COX10: variants seen among roughly 807,000 people sequenced by gnomAD.
COX10 encodes cytochrome c oxidase assembly factor heme A:farnesyltransferase COX10.
COX10 carries 27 observed loss-of-function variants against 37.3 expected under a neutral mutation model. The ratio of observed to expected loss-of-function variants is 0.72; its 90% CI spans 0.53 to 1.00. COX10 has a LOEUF of 1.00. Among genes scored for constraint, COX10 ranks in the 50% least tolerant of loss-of-function variants. The pLI, the probability that COX10 is intolerant of heterozygous loss-of-function variation, is 0.00. For synonymous variants in COX10, 222 were observed against 229.1 expected, an observed-to-expected ratio of 0.97 and a Z score of 0.28; for missense variants, 475 against 563.2, an observed-to-expected ratio of 0.84 and a Z score of 1.59.
Position 14,207,201 on chromosome 17 carries a change from C to G in COX10, c.1320C>G (p.Pro440=). 1.3e-6 allele frequency: 2 copies of G among 1,595,008 alleles called. No homozygotes were observed. The highest frequency in any genetic ancestry group is 1.7e-6 in the Non-Finnish European group (2 of 1,173,438). ...CGAGCGGAGGCGGGGACGCAGGGCC[C>G]CCTCCCAGCTGAGAGCACTGGGACG... ...KRPSGGGDAG[P]PPS The change falls in exon 7 of 7, where the codon CCC becomes CCG. Residue 440 remains proline (P), a synonymous_variant. Coordinates refer to ENST00000261643, the MANE Select transcript of COX10 (RefSeq NM_001303.4).
Position 14,069,517 on chromosome 17 carries a change from G to T in COX10, c.-89G>T, listed in dbSNP as rs188803165. On this transcript the variant is annotated 5_prime_UTR_variant, in exon 1 of 7. Coordinates refer to ENST00000261643, the MANE Select transcript of COX10 (RefSeq NM_001303.4). ...TGGCGGCCCGGAACTACTCCCACAG[G>T]GGGGCGGGGAAGGAAGATGGCGGCG... is the stretch of plus-strand genomic sequence containing the variant. 1.1e-4 allele frequency: 163 copies of T among 1,517,272 alleles called. No individual in the cohort carries two copies. The highest frequency in any genetic ancestry group is 5.9e-4 in the Admixed American group (34 of 57,816). 94.0% of individuals were successfully genotyped at this position (1,517,272 alleles called of 1,614,324 possible).
intron 5 of COX10, among the ~76,000 whole-genome samples, chr17:14,175,988 G>T (rs1302017479): frequency 6.6e-6 from 1 of 152,290 alleles, no homozygotes; most frequent in East Asian, 1.9e-4. Flanking sequence ...AGCCAGAAAT[G>T]AGTTGTACAA....
intron 1 of COX10, among the ~76,000 whole-genome samples, chr17:14,069,881 C>T (rs1211439474): frequency 6.6e-6 from 1 of 152,182 alleles, no homozygotes; most frequent in Non-Finnish European, 1.5e-5. Context: ...CATCCGGCTT[C>T]TGCGGAAGAG....
chr17:14,183,262 C>T (rs1049104387), intron 5 of COX10, among the ~76,000 whole-genome samples: 21 of 151,298 alleles, frequency 1.4e-4, no homozygotes, highest in African/African-American at 4.9e-4. Flanking sequence ...AACCATGAAC[C>T]GATTTGCATG....
intron 1 of COX10, among the ~76,000 whole-genome samples, chr17:14,070,888 G>A (rs1915005652): frequency 6.6e-6 from 1 of 152,200 alleles, no homozygotes; most frequent in Non-Finnish European, 1.5e-5. Context: ...GTCCTGTTTG[G>A]TTTGTAAAGT....
chr17:14,117,951 TG>T (rs1477873462), intron 4 of COX10, among the ~76,000 whole-genome samples: 1 of 152,022 alleles, frequency 6.6e-6, no homozygotes, highest in East Asian at 1.9e-4. Flanking sequence ...GGGGATGGAA[TG>T]GGAAGGTGGT....
chr17:14,138,359 C>T (rs1904440442), intron 4 of COX10, among the ~76,000 whole-genome samples: 2 of 152,132 alleles, frequency 1.3e-5, no homozygotes, highest in African/African-American at 4.8e-5. Flanking sequence ...CATTGTCAGA[C>T]ATTGAAACTG....
chr17:14,140,706 G>A (rs1425107704), intron 4 of COX10, among the ~76,000 whole-genome samples: 3 of 151,600 alleles, frequency 2.0e-5, no homozygotes, highest in African/African-American at 7.3e-5. Context: ...TAACCTCATC[G>A]ACCTGTTAAA....
At chr17:14,164,523 AT>A (rs1249883200) in intron 5 of COX10, among the ~76,000 whole-genome samples, 3 of 152,114 alleles carry the variant, frequency 2.0e-5, no homozygotes, top group African/African-American at 7.2e-5. Context: ...TTTTTAAATT[AT>A]TTTTTCCAGA....
chr17:14,184,390 T>C (rs1905961490), intron 5 of COX10, among the ~76,000 whole-genome samples: 1 of 152,318 alleles, frequency 6.6e-6, no homozygotes, highest in Admixed American at 6.5e-5. Flanking sequence ...AACCAGAATA[T>C]AGCACTAATA....
At chr17:14,152,452 G>C (rs1430509062) in intron 4 of COX10, among the ~76,000 whole-genome samples, 1 of 152,134 alleles carries the variant, frequency 6.6e-6, no homozygotes, top group East Asian at 1.9e-4. Flanking sequence ...TCTCCCACCA[G>C]GTCCCTCCCA....
intron 4 of COX10, among the ~76,000 whole-genome samples, chr17:14,151,829 A>C (rs1358149150): frequency 6.6e-6 from 1 of 152,208 alleles, no homozygotes; most frequent in Non-Finnish European, 1.5e-5. Flanking sequence ...AATAAAGAAT[A>C]TGGACTCTAA....
chr17:14,160,088 A>G lies in COX10; in HGVS notation c.695+141A>G, dbSNP rs150243023. 3.2e-3 allele frequency: 2,483 copies of G among 774,326 alleles called. 71 individuals carry two copies. In the Admixed American group the frequency reaches 0.041, roughly 13 times the overall value. The allele number at this position is 774,326 out of a possible 1,614,324, so 48.0% of individuals were successfully genotyped here. A position where few individuals can be genotyped will look rare whatever the true frequency, so the allele number is the denominator to read the frequency against. ...AGAAACAAAGTGATATGGAAATGCA[A>G]TACTTTCCACCTCTAACCAAAGTGT... On this transcript the variant is annotated intron_variant, in intron 5 of 6. Coordinates refer to ENST00000261643, the MANE Select transcript of COX10 (RefSeq NM_001303.4).
intron 6 of COX10, among the ~76,000 whole-genome samples, chr17:14,202,358 C>T (rs948462345): frequency 2.0e-5 from 3 of 151,874 alleles, no homozygotes; most frequent in East Asian, 1.9e-4. Context: ...CCAAGTAGGC[C>T]GGACTATAGG....
intron 5 of COX10, among the ~76,000 whole-genome samples, chr17:14,160,715 G>A (rs1905156334): frequency 6.6e-6 from 1 of 152,132 alleles, no homozygotes; most frequent in Admixed American, 6.5e-5. Context: ...ATTAATCTAT[G>A]CAGAAATGAT....
intron 3 of COX10, among the ~76,000 whole-genome samples, chr17:14,081,438 T>G (rs1044359260): frequency 6.6e-6 from 1 of 152,214 alleles, no homozygotes; most frequent in Non-Finnish European, 1.5e-5. Flanking sequence ...AAATAAGAGC[T>G]GAGAGCGCGG....
intron 5 of COX10, chr17:14,182,333 G>A (rs2108460): frequency 0.6 from 530,808 of 881,110 alleles, 161,006 homozygotes; most frequent in East Asian, 0.63. Context: ...TGAAACCACA[G>A]TCTCCACGTT....
chr17:14,206,977 G>C lies in COX10; in HGVS notation c.1096G>C (p.Val366Leu), dbSNP rs111541535. 1.2e-6 allele frequency: 2 copies of C among 1,614,018 alleles called. No homozygotes were observed. Among genetic ancestry groups the C allele is most frequent in the Non-Finnish European group, 1.7e-6 (2 of 1,179,914 alleles). The change falls in exon 7 of 7, where the codon GTG becomes CTG. Residue 366 changes from valine (V) to leucine (L), a missense_variant. Val to Leu is a conservative substitution (Grantham distance 32). Transcript: ENST00000261643. ...GCTGCGCCACTGCCTGGCCCTGCTC[G>C]TGCTGTCCGCAGCAGCCCCTGTGCT... ...VALRHCLALL[V>L]LSAAAPVLDI...
intron 4 of COX10, among the ~76,000 whole-genome samples, chr17:14,114,850 T>C (rs1413807451): frequency 1.3e-5 from 2 of 152,142 alleles, no homozygotes; most frequent in African/African-American, 4.8e-5. Context: ...TGTTTGCTAC[T>C]TGATTTCCAT....
Sources: allele counts gnomAD v4.1 joint callset (sites outside exome capture counted in the v4.1 genomes callset), GRCh38; gene constraint gnomAD v4.1.1; transcripts MANE v1.5; gene names NCBI Gene and HGNC (gene_info 2026-07-23, HGNC 2026-07-21).